FBXO11: variants seen among roughly 807,000 people sequenced by gnomAD.
FBXO11 encodes the protein F-box only protein 11.
A neutral mutation model predicts 117.0 loss-of-function variants in FBXO11; 13 were observed. That is an observed-to-expected ratio of 0.11 (90% CI 0.07 to 0.18). The LOEUF is 0.18. Among genes scored for constraint, FBXO11 ranks in the 10% least tolerant of loss-of-function variants. FBXO11 has a pLI of 1.00. For synonymous variants in FBXO11, 490 were observed against 380.5 expected, an observed-to-expected ratio of 1.29 and a Z score of -3.35; for missense variants, 767 against 1,164.4, an observed-to-expected ratio of 0.66 and a Z score of 4.97.
chr2:47,905,616 CGGCTGCGGCGGCGGCTGCTGCGGG>C lies in FBXO11; in HGVS notation c.81_104del (p.Pro31_Gln38del), dbSNP rs1406730913. 1 of 1,367,944 alleles carries C rather than the reference CGGCTGCGGCGGCGGCTGCTGCGGG, an allele frequency of 7.3e-7. No homozygotes were observed. The allele number at this position is 1,367,944 out of a possible 1,614,324, so 84.7% of individuals were successfully genotyped here. On this transcript the variant is annotated inframe_deletion, in exon 1 of 23. Coordinates refer to ENST00000403359, the MANE Select transcript of FBXO11 (RefSeq NM_001190274.2). ...GCTGCTGGGGCGGCTGCTGCTGGGG[CGGCTGCGGCGGCGGCTGCTGCGGG>C]GGCTGCTGCTGCTGTTGCTGCACCG...
intron 1 of FBXO11, among the ~76,000 whole-genome samples, chr2:47,891,573 T>G (rs1558478378): frequency 6.6e-6 from 1 of 152,242 alleles, no homozygotes; most frequent in Non-Finnish European, 1.5e-5. Flanking sequence ...ATAGTGCCAT[T>G]ATAAACATGG....
At chr2:47,862,350 A>C (rs565225166) in intron 1 of FBXO11, among the ~76,000 whole-genome samples, 16 of 152,376 alleles carry the variant, frequency 1.1e-4, no homozygotes, top group Non-Finnish European at 2.4e-4. Flanking sequence ...CTAGAGCAGT[A>C]ATAGCCTGAA....
At position 47,847,332 on chromosome 2, in the gene FBXO11, T is replaced by C. The variant is rs139258821; in HGVS notation, c.233-7563A>G. Among the ~76,000 whole-genome samples the C allele has an allele frequency of 7.5e-4, 114 of 152,310 alleles. 1 individual carries two copies. Among genetic ancestry groups the C allele is most frequent in the Admixed American group, 2.3e-3 (35 of 15,310 alleles). On this transcript the variant is annotated intron_variant, in intron 1 of 22. Transcript: ENST00000403359. ...GCTGTAAGCCTGTGCAGCATGTTAC[T>C]GTACTGTACTGAACACTGTAGACAA...
At chr2:47,860,277 C>T (rs1674656995) in intron 1 of FBXO11, among the ~76,000 whole-genome samples, 1 of 152,072 alleles carries the variant, frequency 6.6e-6, no homozygotes, top group African/African-American at 2.4e-5. Flanking sequence ...TGCCAGAGAG[C>T]ACAGAACCAA....
At chr2:47,873,705 T>C (rs1185934902) in intron 1 of FBXO11, among the ~76,000 whole-genome samples, 1 of 152,240 alleles carries the variant, frequency 6.6e-6, no homozygotes, top group Non-Finnish European at 1.5e-5. Flanking sequence ...TCACTCACTT[T>C]TCAGTTTCCA....
chr2:47,896,847 T>C (rs958696383), intron 1 of FBXO11, among the ~76,000 whole-genome samples: 1 of 152,192 alleles, frequency 6.6e-6, no homozygotes, highest in Non-Finnish European at 1.5e-5. Flanking sequence ...TCCTTTACCA[T>C]AAGAACACTT....
intron 1 of FBXO11, among the ~76,000 whole-genome samples, chr2:47,895,398 G>C (rs1677579285): frequency 6.6e-6 from 1 of 152,204 alleles, no homozygotes; most frequent in Admixed American, 6.5e-5. Flanking sequence ...AATTCTGTCA[G>C]ACACATAGGA....
At chr2:47,887,950 C>T (rs985949170) in intron 1 of FBXO11, among the ~76,000 whole-genome samples, 4 of 151,686 alleles carry the variant, frequency 2.6e-5, no homozygotes, top group African/African-American at 9.7e-5. Flanking sequence ...CCTAGCAGTT[C>T]GAGGCTGCAG....
At chr2:47,836,083 T>C (rs1672537743) in intron 4 of FBXO11, 82 bp from the exon 5 acceptor site, 1 of 1,008,202 alleles carries the variant, frequency 9.9e-7, no homozygotes, top group Admixed American at 2.8e-5. Flanking sequence ...AACAATTATT[T>C]GAGGCCTCAA....
At chr2:47,865,974 G>C (rs375712992) in intron 1 of FBXO11, 9 of 152,316 alleles carry the variant, frequency 5.9e-5, no homozygotes, top group African/African-American at 2.2e-4. Context: ...GCTGGGGTCA[G>C]GTACAGTGGC....
intron 1 of FBXO11, among the ~76,000 whole-genome samples, chr2:47,879,079 G>T (rs1371697962): frequency 6.6e-6 from 1 of 152,102 alleles, no homozygotes; most frequent in African/African-American, 2.4e-5. Context: ...TTCCAAGTTT[G>T]TGAGTGTAAA....
intron 11 of FBXO11, among the ~76,000 whole-genome samples, chr2:47,826,274 G>C (rs776197931): frequency 1.3e-5 from 2 of 151,232 alleles, no homozygotes. Context: ...AGCCAGGATG[G>C]TCTCGATCTC....
rs1328780717 is a variant in FBXO11, at chr2:47,807,958, C to CT, written c.*159dup. The stretch of plus-strand genomic sequence containing the variant: ...TCCTGAGTCAATATATTGCCACTTT[C>CT]TTTTTGGTAGCTTGAGCTTCATAGT... On this transcript the variant is annotated 3_prime_UTR_variant, in exon 23 of 23. Transcript: ENST00000403359. 4.5e-6 allele frequency: 3 copies of CT among 664,444 alleles called. No homozygotes were observed. The highest frequency in any genetic ancestry group is 7.6e-6 in the Non-Finnish European group (3 of 393,026). The allele number at this position is 664,444 out of a possible 1,614,324, so 41.2% of individuals were successfully genotyped here.
intron 1 of FBXO11, among the ~76,000 whole-genome samples, chr2:47,842,998 C>T (rs921723551): frequency 6.6e-6 from 1 of 152,100 alleles, no homozygotes; most frequent in Non-Finnish European, 1.5e-5. Context: ...GTTGTGCAGG[C>T]TAGTCTCAAA....
chr2:47,865,810 C>T (rs549256442), intron 1 of FBXO11: 2 of 152,318 alleles, frequency 1.3e-5, no homozygotes, highest in South Asian at 4.1e-4. Flanking sequence ...TGTGGGCAGA[C>T]ACTCAGCCTC....
intron 1 of FBXO11, among the ~76,000 whole-genome samples, chr2:47,881,750 T>C (rs909216728): frequency 7.4e-6 from 1 of 134,504 alleles, no homozygotes; most frequent in Non-Finnish European, 1.6e-5. Context: ...CTCCACATTT[T>C]AGTCTTTTTT....
At chr2:47,859,928 T>G (rs1014513187) in intron 1 of FBXO11, among the ~76,000 whole-genome samples, 15 of 152,216 alleles carry the variant, frequency 9.9e-5, no homozygotes, top group African/African-American at 3.4e-4. Flanking sequence ...ATGCTTAGTT[T>G]GAGATTCTCA....
intron 1 of FBXO11, among the ~76,000 whole-genome samples, chr2:47,852,179 G>A (rs1176241518): frequency 2.0e-5 from 3 of 151,942 alleles, no homozygotes; most frequent in African/African-American, 7.2e-5. Context: ...TAGTAGAGAC[G>A]GGGTTTCGCC....
At chr2:47,843,939 C>T (rs930721486) in intron 1 of FBXO11, among the ~76,000 whole-genome samples, 1 of 152,074 alleles carries the variant, frequency 6.6e-6, no homozygotes, top group African/African-American at 2.4e-5. Flanking sequence ...CGGGGTTTCA[C>T]TATGTTGGCC....
Sources: gnomAD v4.1 joint callset for allele counts (sites outside exome capture counted in the v4.1 genomes callset) on GRCh38, gnomAD v4.1.1 for gene constraint, MANE v1.5 for transcripts, NCBI Gene and HGNC (gene_info 2026-07-23, HGNC 2026-07-21) for gene names.